Variants in CATSPERG observed in about 807,000 individuals in gnomAD.
CATSPERG encodes cation channel sperm-associated auxiliary subunit gamma.
A neutral mutation model predicts 145.0 loss-of-function variants in CATSPERG; 115 were observed. That is an observed-to-expected ratio of 0.79 (90% CI 0.68 to 0.93). The LOEUF (loss-of-function observed/expected upper bound fraction) is 0.93, where lower values mean the gene tolerates loss of function less well. Ranked by LOEUF, CATSPERG falls within the 40% of genes least tolerant of loss-of-function variation. The pLI, the probability that CATSPERG is intolerant of heterozygous loss-of-function variation, is 0.00. For missense variants in CATSPERG, 1,296 were observed against 1,490.1 expected (o/e 0.87, Z 2.14); for synonymous variants, 588 against 589.0 (o/e 1.00, Z 0.02).
At chr19:38,364,383 C>G (rs558749589) in intron 20 of CATSPERG, among the ~76,000 whole-genome samples, 1 of 151,916 alleles carries the variant, frequency 6.6e-6, no homozygotes, top group East Asian at 1.9e-4. Context: ...GGCAGAGGCA[C>G]TCCCCACATC....
At chr19:38,349,245 C>T (rs555464423) in intron 7 of CATSPERG, 3 of 152,288 alleles carry the variant, frequency 2.0e-5, no homozygotes, top group East Asian at 3.9e-4. Context: ...CATCCTCCTA[C>T]CTGAGCCTCC....
At chr19:38,347,683 A>G (rs769117449) in intron 7 of CATSPERG, among the ~76,000 whole-genome samples, 14 of 152,142 alleles carry the variant, frequency 9.2e-5, no homozygotes, top group Non-Finnish European at 1.8e-4. Flanking sequence ...GCTCACGCCT[A>G]TAATCCCAGC....
chr19:38,337,085 AGGGGCGGGGCCAGGAGCAAGAGCC>A, intron 1 of CATSPERG, 112 bp from the exon 2 acceptor site: 3 of 1,063,716 alleles, frequency 2.8e-6, no homozygotes, highest in African/African-American at 1.6e-5. Flanking sequence ...GAGCAAGTGC[AGGGGCGGGGCCAGGAGCAAGAGCC>A]GGGGCGTGGC....
At position 38,344,299 on chromosome 19, in the gene CATSPERG, C is replaced by G. The variant is rs1172641776; in HGVS notation, c.600C>G (p.Phe200Leu). The change falls in exon 6 of 29, where the codon TTC becomes TTG. Residue 200 changes from phenylalanine (F) to leucine (L), a missense_variant. Transcript: ENST00000409235. ...CCTATTCTGCACCTGCTGCTAGGTT[C>G]CAGATGAATATCAACGGCTTCCTGA... ...GLGTFIPDKRFQMNINGFLKR... is the reference protein window; with the variant it reads ...GLGTFIPDKRLQMNINGFLKR... 2 of 1,551,512 alleles carry G rather than the reference C, an allele frequency of 1.3e-6. No individual in the cohort carries two copies. The highest frequency in any genetic ancestry group is 2.4e-5 in the South Asian group (2 of 84,038).
chr19:38,342,847 C>G lies in CATSPERG; in HGVS notation c.325-733C>G, dbSNP rs542822227. 3.3e-5 allele frequency among the ~76,000 whole-genome samples: 5 copies of G among 152,140 alleles called. No homozygotes were observed. The South Asian group carries it at 1.0e-3, about 32-fold the overall frequency. On this transcript the variant is annotated intron_variant, in intron 3 of 28. Coordinates refer to ENST00000409235, the MANE Select transcript of CATSPERG (RefSeq NM_021185.5). ...TCTTCTCCCATCTCCACTCTAAGCG[C>G]TCCCCACCCTTTTCTATTCAGCCAG...
Position 38,352,422 on chromosome 19 carries a change from C to A in CATSPERG, c.987C>A (p.Asn329Lys). 6.4e-7 allele frequency: 1 copy of A among 1,551,812 alleles called. No homozygotes were observed. Among genetic ancestry groups the A allele is most frequent in the Non-Finnish European group, 8.7e-7 (1 of 1,147,078 alleles). ...CCTATACCACACTCTATGAGAGAAA[C>A]CGCGGCAGTGGTGAGTGTGCTGTGG... ...TGTYTTLYER[N>K]RGSGSWIRVL... The change falls in exon 8 of 29, where the codon AAC becomes AAA. Residue 329 changes from asparagine to lysine, a missense_variant. By Grantham distance (94) the Asn-to-Lys change is moderately conservative. Coordinates refer to ENST00000409235, the MANE Select transcript of CATSPERG (RefSeq NM_021185.5).
intron 28 of CATSPERG, 115 bp from the exon 29 acceptor site, chr19:38,370,411 A>G: frequency 6.8e-7 from 1 of 1,478,198 alleles, no homozygotes; most frequent in South Asian, 1.2e-5. Context: ...CTACTCATTC[A>G]TTTCCTCCTG....
chr19:38,363,115 T>G (rs1164784432), intron 20 of CATSPERG, among the ~76,000 whole-genome samples: 1 of 152,114 alleles, frequency 6.6e-6, no homozygotes, highest in African/African-American at 2.4e-5. Flanking sequence ...CTCGGCTCAC[T>G]GTAACCTCTG....
At chr19:38,336,839 AGGC>A (rs72358859) in intron 1 of CATSPERG, among the ~76,000 whole-genome samples, 4,791 of 152,004 alleles carry the variant, frequency 0.032, 87 homozygotes, top group South Asian at 0.048. Flanking sequence ...AGAGACGTGG[AGGC>A]GGCGGGGCGG....
chr19:38,336,914 A>G, intron 1 of CATSPERG: 3 of 471,134 alleles, frequency 6.4e-6, no homozygotes, highest in East Asian at 8.3e-5. Context: ...CCGGAGCAAT[A>G]GCAGAGGTGC....
Position 38,362,402 on chromosome 19 carries a change from T to G in CATSPERG, c.2184T>G (p.Asn728Lys). The G allele has an allele frequency of 6.2e-7, 1 of 1,614,100 alleles. No individual in the cohort carries two copies. The highest frequency in any genetic ancestry group is 8.5e-7 in the Non-Finnish European group (1 of 1,180,010). ...ATTACTACTTCTTCTTGGCGAGCAA[T>G]TGGCGAAGCGCGGGCGGCGTGTCCA... The part of the protein sequence containing the change: ...DQDYYFFLAS[N>K]WRSAGGVSIE... Residue 728 changes from asparagine (N) to lysine (K), a missense_variant, in exon 19 of 29, where the codon AAT becomes AAG. By Grantham distance (94) the Asn-to-Lys change is moderately conservative. Coordinates refer to ENST00000409235, the MANE Select transcript of CATSPERG (RefSeq NM_021185.5).
chr19:38,360,528 C>T lies in CATSPERG; in HGVS notation c.1648C>T (p.Leu550=). The T allele has an allele frequency of 6.2e-7, 1 of 1,614,204 alleles. No homozygotes were observed. The highest frequency in any genetic ancestry group is 1.1e-5 in the South Asian group (1 of 91,090). ...GGAGGGCAGCTACCGGGTCTACCAG[C>T]TGTTCCCTTCCAAGGGCTGGCAGGT... ...LLEGSYRVYQ[L]FPSKGWQVHI... The change falls in exon 15 of 29, where the codon CTG becomes TTG. Residue 550 remains leucine, a synonymous_variant. Coordinates refer to ENST00000409235, the MANE Select transcript of CATSPERG (RefSeq NM_021185.5).
Position 38,346,589 on chromosome 19 carries a change from A to T in CATSPERG, c.809A>T (p.Asp270Val). 1 of 1,551,090 alleles carries T rather than the reference A, an allele frequency of 6.4e-7. No individual in the cohort carries two copies. Among genetic ancestry groups the T allele is most frequent in the Non-Finnish European group, 8.7e-7 (1 of 1,146,544 alleles). ...YVLMTDTSFK[D>V]FSLVELSIDS... ...CTGATGACTGACACCAGCTTCAAGGACTTCTCTCTCGTGGAGGTGAACGGT... is the reference window on the plus strand; with the variant it reads ...CTGATGACTGACACCAGCTTCAAGGTCTTCTCTCTCGTGGAGGTGAACGGT... Residue 270 changes from aspartate to valine, a missense_variant, in exon 7 of 29, where the codon GAC becomes GTC. Transcript: ENST00000409235.
chr19:38,342,600 GAAAA>G (rs756886890), intron 3 of CATSPERG, among the ~76,000 whole-genome samples: 1 of 105,456 alleles, frequency 9.5e-6, no homozygotes, highest in African/African-American at 3.5e-5. Flanking sequence ...ACTCCTTCTT[GAAAA>G]AAAAAAAAAA....
chr19:38,358,081 G>A, intron 11 of CATSPERG, 197 bp from the exon 12 acceptor site: 2 of 596,194 alleles, frequency 3.4e-6, no homozygotes, highest in Non-Finnish European at 6.0e-6. Flanking sequence ...TCACACCACT[G>A]CACTCCAGCC....
chr19:38,356,673 G>C, intron 10 of CATSPERG, 69 bp from the exon 11 acceptor site: 1 of 1,601,432 alleles, frequency 6.2e-7, no homozygotes, highest in Non-Finnish European at 8.5e-7. Context: ...TATGGGGAGG[G>C]GTACAGCTGG....
rs1250032562 is a variant in CATSPERG at position 38,337,546 on chromosome 19, C to G, written c.270+42C>G. ...CAAGTGAACCAGAGGGATTTTGAAC[C>G]CGCACTCCACTCATTTCTGGACGTG... is the stretch of plus-strand genomic sequence containing the variant. On this transcript the variant is annotated intron_variant, in intron 2 of 28. Transcript: ENST00000409235. The G allele has an allele frequency of 4.5e-6, 7 of 1,551,726 alleles. No individual in the cohort carries two copies. The South Asian group carries it at 7.1e-5, about 16-fold the overall frequency.
rs747268123 is a variant in CATSPERG at position 38,370,750 on chromosome 19, G to T, written c.3438G>T (p.Arg1146Ser). 15 of 1,614,084 alleles carry T rather than the reference G, an allele frequency of 9.3e-6. No individual in the cohort carries two copies. The highest frequency in any genetic ancestry group is 1.2e-5 in the Non-Finnish European group (14 of 1,180,020). The stretch of plus-strand genomic sequence containing the variant: ...TCAGCTCCAGGATGACAGAGGACAG[G>T]GCTGAACCCAAGGAAGCCGTGGAGA... The part of the protein sequence containing the change: ...SMFSSRMTED[R>S]AEPKEAVERQ... The change falls in exon 29 of 29, where the codon AGG becomes AGT. Residue 1146 changes from arginine (R) to serine (S), a missense_variant. Arg to Ser is a moderately radical substitution (Grantham distance 110). Coordinates refer to ENST00000409235, the MANE Select transcript of CATSPERG (RefSeq NM_021185.5).
rs138244200 is a variant in CATSPERG at position 38,362,464 on chromosome 19, A to G, written c.2246A>G (p.Glu749Gly). Reference sequence around the variant, plus strand: ...AGCTACGAAAAGATCTACAACCTCGAGTCCGCGTACGAGCTGCCGGAGCGC... The same window carrying G: ...AGCTACGAAAAGATCTACAACCTCGGGTCCGCGTACGAGCTGCCGGAGCGC... ...MDSYEKIYNL[E>G]SAYELPERIF... Residue 749 changes from glutamate (E) to glycine (G), a missense_variant, in exon 19 of 29, where the codon GAG (glutamate) becomes GGG (glycine). Glu to Gly is a moderately conservative substitution (Grantham distance 98). Coordinates refer to ENST00000409235, the MANE Select transcript of CATSPERG (RefSeq NM_021185.5). 44 of 1,613,854 alleles carry G rather than the reference A, an allele frequency of 2.7e-5. No individual in the cohort carries two copies. Among genetic ancestry groups the G allele is most frequent in the Non-Finnish European group, 3.6e-5 (43 of 1,180,036 alleles).
Sources: gnomAD v4.1 joint callset for allele counts (sites outside exome capture counted in the v4.1 genomes callset) on GRCh38, gnomAD v4.1.1 for gene constraint, MANE v1.5 for transcripts, NCBI Gene and HGNC (gene_info 2026-07-23, HGNC 2026-07-21) for gene names.